The following IGF2R variants were observed in gnomAD, a reference collection of about 807,000 sequenced individuals.
IGF2R encodes insulin like growth factor 2 receptor, also known as cation-independent mannose-6-phosphate receptor.
A neutral mutation model predicts 270.6 loss-of-function variants in IGF2R; 91 were observed. That is an observed-to-expected ratio of 0.34 (90% CI 0.28 to 0.40). The LOEUF is 0.40. Ranked by LOEUF, IGF2R falls within the 10% of genes least tolerant of loss-of-function variation. The pLI is 1.00. For missense variants in IGF2R, 2,805 were observed against 3,188.3 expected (o/e 0.88, Z 2.90); for synonymous variants, 1,316 against 1,258.9 (o/e 1.05, Z -0.96).
At chr6:160,083,369 G>T (rs1779027493) in intron 39 of IGF2R, among the ~76,000 whole-genome samples, 1 of 152,236 alleles carries the variant, frequency 6.6e-6, no homozygotes, top group South Asian at 2.1e-4. Context: ...TTGAACAAAT[G>T]TACAATCGGG....
At chr6:159,978,746 G>A (rs557401921) in intron 1 of IGF2R, among the ~76,000 whole-genome samples, 15 of 152,320 alleles carry the variant, frequency 9.8e-5, no homozygotes, top group African/African-American at 3.6e-4. Context: ...AGGGCAGAGG[G>A]GCACTTTCCT....
intron 4 of IGF2R, among the ~76,000 whole-genome samples, chr6:160,014,855 A>G (rs1583260674): frequency 6.6e-6 from 1 of 152,314 alleles, no homozygotes; most frequent in East Asian, 1.9e-4. Context: ...TTCTGCATGA[A>G]TCTGGTGGTA....
chr6:160,049,517 C>T (rs1778147168), intron 18 of IGF2R, among the ~76,000 whole-genome samples: 1 of 152,092 alleles, frequency 6.6e-6, no homozygotes, highest in South Asian at 2.1e-4. Flanking sequence ...GCCCTGGGGC[C>T]AGTTGGACGG....
At position 159,969,337 on chromosome 6, in the gene IGF2R, C is replaced by A; in HGVS notation, c.91C>A (p.Leu31Ile). The A allele has an allele frequency of 7.6e-7, 1 of 1,314,290 alleles. No homozygotes were observed. The highest frequency in any genetic ancestry group is 9.7e-7 in the Non-Finnish European group (1 of 1,027,514). The allele number at this position is 1,314,290 out of a possible 1,614,324, so 81.4% of individuals were successfully genotyped here. The change falls in exon 1 of 48, where the codon CTC becomes ATC. Residue 31 changes from leucine to isoleucine, a missense_variant. Leu to Ile is a conservative substitution (Grantham distance 5). This residue lies in a region of IGF2R where 954 missense variants were observed against 981.1 expected (regional missense o/e 0.97). Coordinates refer to ENST00000356956, the MANE Select transcript of IGF2R (RefSeq NM_000876.4). ...TCTGCTCCTGCTGCAGCTGCTGCTG[C>A]TCGTCGCTGCCCCGGGGTCCACGCA... is the stretch of plus-strand genomic sequence containing the variant. ...RSLLLLQLLL[L>I]VAAPGSTQAQ...
rs201939968 is a variant in IGF2R, at chr6:160,047,295, C to G, written c.2188C>G (p.Leu730Val). 1.2e-6 allele frequency: 2 copies of G among 1,609,924 alleles called. No individual in the cohort carries two copies. Among genetic ancestry groups the G allele is most frequent in the Non-Finnish European group, 1.7e-6 (2 of 1,178,722 alleles). The change falls in exon 16 of 48, where the codon CTC becomes GTC. Residue 730 changes from leucine to valine, a missense_variant. Around this residue, in one of 2 missense-constraint regions of IGF2R, gnomAD observed 954 missense variants for 981.1 expected, o/e 0.97. Transcript: ENST00000356956. ...ACCGAGAGCTACGCTCATCACCTTT[C>G]TCTGTGATCGAGACGCGGGAGTGGG... ...HTPRATLITF[L>V]CDRDAGVGFP...
At chr6:160,093,531 C>T in intron 44 of IGF2R, 1 of 606,954 alleles carries the variant, frequency 1.6e-6, no homozygotes. Context: ...GTTCAGCAAC[C>T]TGGACAAAGG....
chr6:160,066,239 A>G (rs532848027), intron 29 of IGF2R, among the ~76,000 whole-genome samples: 2 of 151,608 alleles, frequency 1.3e-5, no homozygotes, highest in East Asian at 3.9e-4. Context: ...CTGGTCTCGA[A>G]CTCTTGACCT....
chr6:160,081,685 C>A (rs1018069487), intron 39 of IGF2R, among the ~76,000 whole-genome samples: 6 of 152,164 alleles, frequency 3.9e-5, no homozygotes, highest in Admixed American at 6.5e-5. Flanking sequence ...AAGAGGCGCC[C>A]CTGCCTTCCT....
At chr6:160,090,723 T>G (rs1779201862) in intron 44 of IGF2R, among the ~76,000 whole-genome samples, 1 of 152,198 alleles carries the variant, frequency 6.6e-6, no homozygotes, top group African/African-American at 2.4e-5. Context: ...TAATAACTCT[T>G]TAAAAAAAAA....
intron 1 of IGF2R, among the ~76,000 whole-genome samples, chr6:159,988,123 A>AT (rs1453848966): frequency 6.6e-6 from 1 of 152,076 alleles, no homozygotes; most frequent in Non-Finnish European, 1.5e-5. Flanking sequence ...AATATCCCTC[A>AT]TTTTATTCTT....
chr6:160,049,899 G>A (rs890285870), intron 18 of IGF2R, among the ~76,000 whole-genome samples: 4 of 152,294 alleles, frequency 2.6e-5, no homozygotes, highest in South Asian at 2.1e-4. Context: ...TAGGGCAGGC[G>A]AATGAGGAGA....
Position 160,009,272 on chromosome 6 carries a change from C to T in IGF2R, c.414+138C>T, listed in dbSNP as rs1161442723. ...AAATAAGAAAAACCCTACCAAATGA[C>T]CATCATCATCAAGAACCAATAAGTA... On this transcript the variant is annotated intron_variant, in intron 3 of 47. Coordinates refer to ENST00000356956, the MANE Select transcript of IGF2R (RefSeq NM_000876.4). The T allele has an allele frequency of 1.5e-5, 10 of 664,964 alleles. No individual in the cohort carries two copies. The East Asian group carries it at 2.5e-4, about 17-fold the overall frequency. 41.2% of individuals were successfully genotyped at this position (664,964 alleles called of 1,614,324 possible). A position where few individuals can be genotyped will look rare whatever the true frequency, so the allele number is the denominator to read the frequency against.
chr6:160,009,178 A>G (rs74496305), intron 3 of IGF2R, 44 bp downstream of exon 3: 1 of 1,546,422 alleles, frequency 6.5e-7, no homozygotes, highest in Non-Finnish European at 8.8e-7. Flanking sequence ...AAAAAAAAAA[A>G]GGTCTGCCCC....
chr6:160,029,619 G>T lies in IGF2R; in HGVS notation c.846G>T (p.Val282=). ...LDFCDGHSPA[V]TITFVCPSER... The stretch of plus-strand genomic sequence containing the variant: ...TTTGTGATGGTCACAGCCCTGCGGT[G>T]ACTATTACATTTGTTTGCCCGTCGG... Residue 282 remains valine, a synonymous_variant, in exon 7 of 48, where the codon GTG becomes GTT. Transcript: ENST00000356956. 1.9e-6 allele frequency: 3 copies of T among 1,614,084 alleles called. No homozygotes were observed. The highest frequency in any genetic ancestry group is 1.1e-5 in the South Asian group (1 of 91,058).
chr6:160,086,812 A>G (rs895092685), intron 41 of IGF2R, among the ~76,000 whole-genome samples: 4 of 152,222 alleles, frequency 2.6e-5, no homozygotes, highest in South Asian at 4.2e-4. Context: ...TCCTGTGGAA[A>G]ACACTCGGGA....
rs1164921736 is a variant in IGF2R at position 160,032,448 on chromosome 6, G to A, written c.883-103G>A. On this transcript the variant is annotated intron_variant, in intron 7 of 47. Transcript: ENST00000356956. Reference sequence around the variant, plus strand: ...CAAAAAACAGAAACAGCAAAATGTAGAAACCTAACAACCTGTCTTTGAGCT... The same window carrying A: ...CAAAAAACAGAAACAGCAAAATGTAAAAACCTAACAACCTGTCTTTGAGCT... 6 of 1,044,846 alleles carry A rather than the reference G, an allele frequency of 5.7e-6. No individual in the cohort carries two copies. In the Admixed American group the frequency reaches 1.5e-4, roughly 25 times the overall value. The allele number at this position is 1,044,846 out of a possible 1,614,324, so 64.7% of individuals were successfully genotyped here.
chr6:160,019,361 A>G (rs1777378871), intron 4 of IGF2R, among the ~76,000 whole-genome samples: 1 of 152,212 alleles, frequency 6.6e-6, no homozygotes, highest in South Asian at 2.1e-4. Context: ...TCAGGACCAG[A>G]CAGATTGACA....
chr6:160,067,081 TG>T (rs1778601173), intron 29 of IGF2R, among the ~76,000 whole-genome samples: 1 of 152,176 alleles, frequency 6.6e-6, no homozygotes, highest in Non-Finnish European at 1.5e-5. Flanking sequence ...CCCATCTCAT[TG>T]GGACCTACAG....
chr6:159,981,582 G>A (rs1017350571), intron 1 of IGF2R, among the ~76,000 whole-genome samples: 6 of 152,174 alleles, frequency 3.9e-5, no homozygotes, highest in South Asian at 4.1e-4. Flanking sequence ...AGTCTGTTTC[G>A]ATAGCTCTGT....
Sources: gnomAD v4.1 joint callset for allele counts (sites outside exome capture counted in the v4.1 genomes callset) on GRCh38, gnomAD v4.1.1 for gene constraint, gnomAD v4.1.1 regional missense constraint, MANE v1.5 for transcripts, NCBI Gene and HGNC (gene_info 2026-07-23, HGNC 2026-07-21) for gene names.